The following C2orf49 variants were observed in gnomAD, a reference collection of about 807,000 sequenced individuals.
C2orf49 encodes the protein tRNA splicing ligase complex subunit 2.
C2orf49 carries 11 observed loss-of-function variants against 20.6 expected under a neutral mutation model. The ratio of observed to expected loss-of-function variants is 0.53; its 90% confidence interval spans 0.34 to 0.88. The LOEUF is 0.88. Among genes scored for constraint, C2orf49 ranks in the 40% least tolerant of loss-of-function variants. The pLI, the probability that C2orf49 is intolerant of heterozygous loss-of-function variation, is 0.02. For missense variants in C2orf49, 289 were observed against 274.2 expected (o/e 1.05, Z -0.38); for synonymous variants, 134 against 108.5 (o/e 1.24, Z -1.46).
chr2:105,352,517 C>G (rs193142147), downstream of C2orf49, among the ~76,000 whole-genome samples: 66 of 138,664 alleles, frequency 4.8e-4, 1 homozygote, highest in East Asian at 0.013. Flanking sequence ...GGATCTCGGC[C>G]CACTGCAACC....
the C2orf49 span, among the ~76,000 whole-genome samples, chr2:105,381,051 G>A: frequency 6.6e-6 from 1 of 152,110 alleles, no homozygotes; most frequent in Non-Finnish European, 1.5e-5. Flanking sequence ...CTCAGTTAAT[G>A]GAAGGTGGCT....
intron 1 of C2orf49, 137 bp from the exon 2 acceptor site, chr2:105,339,446 A>G: frequency 1.4e-6 from 1 of 698,744 alleles, no homozygotes; most frequent in Non-Finnish European, 2.3e-6. Flanking sequence ...CACTGTCTCT[A>G]AGTGCGCGTG....
intron 1 of C2orf49, 35 bp downstream of exon 1, chr2:105,337,721 G>GGGGGGGGCC: frequency 3.7e-5 from 1 of 26,800 alleles, no homozygotes; most frequent in Non-Finnish European, 6.6e-5. Context: ...GGGCGGGTGG[G>GGGGGGGGCC]CCTTCCCAGG....
At chr2:105,357,073 G>C in the C2orf49 span, among the ~76,000 whole-genome samples, 1,319 of 152,196 alleles carry the variant, frequency 8.7e-3, 22 homozygotes, top group Non-Finnish European at 9.2e-3. Flanking sequence ...TCAGCCTCCT[G>C]AGTAGCTGGG....
chr2:105,344,808 T>C (rs1679770427), intron 3 of C2orf49, among the ~76,000 whole-genome samples: 1 of 152,026 alleles, frequency 6.6e-6, no homozygotes, highest in African/African-American at 2.4e-5. Context: ...CAGGCTGGTC[T>C]CAAACTCCTG....
At chr2:105,345,284 G>A (rs746289597) in intron 3 of C2orf49, 31 bp from the exon 4 acceptor site, 388 of 1,591,516 alleles carry the variant, frequency 2.4e-4, no homozygotes, top group Non-Finnish European at 3.2e-4. Flanking sequence ...ATTTCTGCAA[G>A]TATAAACTGA....
chr2:105,351,325 C>T (rs1168348163), downstream of C2orf49, among the ~76,000 whole-genome samples: 1 of 99,754 alleles, frequency 1.0e-5, no homozygotes, highest in Non-Finnish European at 2.4e-5. Flanking sequence ...CCCCCCCCCC[C>T]CAAAAAAAAA....
the C2orf49 span, chr2:105,361,385 G>A: frequency 4.7e-5 from 76 of 1,613,990 alleles, no homozygotes; most frequent in Admixed American, 7.8e-4. Context: ...TAAAGCAGTC[G>A]TTATGCCACT....
chr2:105,374,580 T>G, the C2orf49 span: 1 of 151,754 alleles, frequency 6.6e-6, no homozygotes, highest in East Asian at 1.9e-4. Context: ...TGAGCACACA[T>G]GAGAGAGGCC....
In C2orf49 at chr2:105,345,509, G is replaced by T. The variant is rs1679790121; in HGVS notation, c.*138G>T. Reference sequence around the variant, plus strand: ...TTCAAATAGGTTTAAAAAAATAAAGGATTTATTTTCCTTCCCTTCTTCCCT... The same window carrying T: ...TTCAAATAGGTTTAAAAAAATAAAGTATTTATTTTCCTTCCCTTCTTCCCT... On this transcript the variant is annotated 3_prime_UTR_variant, in exon 4 of 4. Coordinates refer to ENST00000258457, the MANE Select transcript of C2orf49 (RefSeq NM_024093.3). 6 of 707,810 alleles carry T rather than the reference G, an allele frequency of 8.5e-6. No individual in the cohort carries two copies. In the Admixed American group the frequency reaches 1.2e-4, roughly 15 times the overall value. The allele number at this position is 707,810 out of a possible 1,614,324, so 43.8% of individuals were successfully genotyped here. A position where few individuals can be genotyped will look rare whatever the true frequency, so the allele number is the denominator to read the frequency against.
At chr2:105,370,670 T>C in the C2orf49 span, among the ~76,000 whole-genome samples, 1 of 152,210 alleles carries the variant, frequency 6.6e-6, no homozygotes, top group South Asian at 2.1e-4. Context: ...CCCATATTCA[T>C]CTTGAATGGG....
the C2orf49 span, among the ~76,000 whole-genome samples, chr2:105,384,312 G>A: frequency 1.3e-5 from 2 of 152,156 alleles, no homozygotes; most frequent in Non-Finnish European, 2.9e-5. Flanking sequence ...AATGAAAAGC[G>A]ACAAAGAGAG....
At chr2:105,381,260 T>C in the C2orf49 span, among the ~76,000 whole-genome samples, 294 of 152,290 alleles carry the variant, frequency 1.9e-3, 1 homozygote, top group Non-Finnish European at 3.6e-3. Context: ...CTGTACATTC[T>C]TTCAAATCCT....
chr2:105,384,514 T>G, the C2orf49 span, among the ~76,000 whole-genome samples: 2,045 of 152,102 alleles, frequency 0.013, 44 homozygotes, highest in African/African-American at 0.046. Context: ...CAGTTTTTTT[T>G]GGGTCTTTTT....
At chr2:105,363,074 T>C in the C2orf49 span, 1 of 565,028 alleles carries the variant, frequency 1.8e-6, no homozygotes, top group Admixed American at 3.2e-5. Context: ...ATGGTTGTGA[T>C]CAGGTGGGCT....
the C2orf49 span, among the ~76,000 whole-genome samples, chr2:105,385,553 A>C: frequency 6.6e-6 from 1 of 152,246 alleles, no homozygotes; most frequent in African/African-American, 2.4e-5. Flanking sequence ...ATGCCAAAGG[A>C]ATCCCATTTT....
In C2orf49 at chr2:105,337,592, C is replaced by A. The variant is rs776260169; in HGVS notation, c.5C>A (p.Ala2Glu). The change falls in exon 1 of 4, where the codon GCG becomes GAG. Residue 2 changes from alanine to glutamate, a missense_variant. Transcript: ENST00000258457. ...TGGGGTCTCCTGGCGACGACCATGGCGGGGGATGTGGGCGGTCGCAGCTGC... is the reference window on the plus strand; with the variant it reads ...TGGGGTCTCCTGGCGACGACCATGGAGGGGGATGTGGGCGGTCGCAGCTGC... MAGDVGGRSCTD... is the reference protein window; with the variant it reads MEGDVGGRSCTD... The A allele has an allele frequency of 6.2e-7, 1 of 1,613,100 alleles. No individual in the cohort carries two copies. The highest frequency in any genetic ancestry group is 1.1e-5 in the South Asian group (1 of 91,058).
Position 105,348,039 on chromosome 2 carries a change from C to A in C2orf49, c.*2668C>A, listed in dbSNP as rs1161535988. 1.3e-5 allele frequency: 2 copies of A among 152,116 alleles called. No homozygotes were observed. The highest frequency in any genetic ancestry group is 2.9e-5 in the Non-Finnish European group (2 of 68,030). The allele number at this position is 152,116 out of a possible 1,614,324, so 9.4% of individuals were successfully genotyped here. On this transcript the variant is annotated 3_prime_UTR_variant, in exon 4 of 4. Transcript: ENST00000258457. ...CCTCTTTGTTCCTTCTTTTCCCTTT[C>A]TCCTTATACATTTTCTTTCTCTACT...
the C2orf49 span, among the ~76,000 whole-genome samples, chr2:105,372,557 G>A: frequency 3.9e-4 from 59 of 152,176 alleles, no homozygotes; most frequent in African/African-American, 1.3e-3. Context: ...TTTCCCATAT[G>A]TCAGTCTCTT....
Sources: gnomAD v4.1 joint callset for allele counts (sites outside exome capture counted in the v4.1 genomes callset) on GRCh38, gnomAD v4.1.1 for gene constraint, MANE v1.5 for transcripts, NCBI Gene and HGNC (gene_info 2026-07-23, HGNC 2026-07-21) for gene names.